ITPR2: variants seen among roughly 807,000 people sequenced by gnomAD.
ITPR2 encodes inositol 1,4,5-trisphosphate receptor type 2.
A neutral mutation model predicts 317.1 loss-of-function variants in ITPR2; 207 were observed. The ratio of observed to expected loss-of-function variants is 0.65; its 90% confidence interval spans 0.58 to 0.73. ITPR2 has a LOEUF of 0.73. ITPR2 is among the 30% of genes least tolerant of loss of function. ITPR2 has a pLI of 0.00. For missense variants in ITPR2, 2,613 were observed against 3,284.0 expected, an observed-to-expected ratio of 0.80 and a Z score of 4.99; for synonymous variants, 1,156 against 1,149.1, an observed-to-expected ratio of 1.01 and a Z score of -0.12.
chr12:26,815,673 T>A (rs1482026384), intron 1 of ITPR2, among the ~76,000 whole-genome samples: 1 of 151,820 alleles, frequency 6.6e-6, no homozygotes, highest in Non-Finnish European at 1.5e-5. Context: ...AAGATAAATA[T>A]AACTACCTGC....
chr12:26,579,582 T>C (rs1251093377), intron 33 of ITPR2, among the ~76,000 whole-genome samples: 4 of 152,152 alleles, frequency 2.6e-5, no homozygotes, highest in Non-Finnish European at 5.9e-5. Context: ...ATCCTACAGA[T>C]ATATCATAAT....
Position 26,631,934 on chromosome 12 carries a change from C to T in ITPR2, c.2866G>A (p.Gly956Arg). The change falls in exon 22 of 57, where the codon GGG (glycine) becomes AGG (arginine). Residue 956 changes from glycine (G) to arginine (R), a missense_variant. By Grantham distance (125) the Gly-to-Arg change is moderately radical. Transcript: ENST00000381340. ...VPPSIHPSKQ[G>R]SPTEHEDVTV... ...ACATCCTCGTGCTCGGTGGGGCTCC[C>T]TTGCTTGCTCGGGTGGATGCTGGGT... 1 of 1,613,938 alleles carries T rather than the reference C, an allele frequency of 6.2e-7. No individual in the cohort carries two copies. The highest frequency in any genetic ancestry group is 8.5e-7 in the Non-Finnish European group (1 of 1,179,952).
chr12:26,526,627 T>A (rs1943814555), intron 37 of ITPR2, among the ~76,000 whole-genome samples: 1 of 151,854 alleles, frequency 6.6e-6, no homozygotes, highest in African/African-American at 2.4e-5. Context: ...ACTGTTACTC[T>A]ATGAAAAAAA....
In ITPR2 at chr12:26,339,218, C is replaced by T. The variant is rs139311366; in HGVS notation, c.*179G>A. 6.0e-4 allele frequency: 350 copies of T among 585,632 alleles called. 3 individuals are homozygous for T. Among genetic ancestry groups the T allele is most frequent in the African/African-American group, 6.0e-3 (317 of 53,086 alleles). The allele number at this position is 585,632 out of a possible 1,614,324, so 36.3% of individuals were successfully genotyped here. On this transcript the variant is annotated 3_prime_UTR_variant, in exon 57 of 57. Transcript: ENST00000381340. ...GCAGATGCATTTGAGGTTAGGTCTT[C>T]GCAACCATGAAAACACAGTTATAAA... is the stretch of plus-strand genomic sequence containing the variant.
At chr12:26,440,622 T>G (rs1447131820) in intron 46 of ITPR2, among the ~76,000 whole-genome samples, 1 of 152,120 alleles carries the variant, frequency 6.6e-6, no homozygotes, top group Non-Finnish European at 1.5e-5. Flanking sequence ...GCAAACTACA[T>G]GAAATTTAGT....
At chr12:26,525,911 T>G (rs1040200414) in intron 37 of ITPR2, among the ~76,000 whole-genome samples, 3 of 152,206 alleles carry the variant, frequency 2.0e-5, no homozygotes, top group Non-Finnish European at 4.4e-5. Context: ...AATTCAACCC[T>G]AAGCCCCAAC....
chr12:26,411,609 T>C (rs917796491), intron 51 of ITPR2, among the ~76,000 whole-genome samples, 197 bp from the exon 52 acceptor site: 6 of 152,218 alleles, frequency 3.9e-5, no homozygotes, highest in African/African-American at 1.4e-4. Flanking sequence ...GAGAATAGCT[T>C]CATAGGCCAA....
chr12:26,534,111 G>A (rs577271223), intron 37 of ITPR2, among the ~76,000 whole-genome samples: 35 of 152,312 alleles, frequency 2.3e-4, no homozygotes, highest in African/African-American at 7.7e-4. Flanking sequence ...CAGCCATCAC[G>A]TCAGTGGCCT....
At chr12:26,696,345 T>C (rs1453051860) in intron 9 of ITPR2, among the ~76,000 whole-genome samples, 1 of 152,216 alleles carries the variant, frequency 6.6e-6, no homozygotes. Context: ...AATAGATGTA[T>C]GAGGTGTGTT....
intron 23 of ITPR2, among the ~76,000 whole-genome samples, chr12:26,625,973 T>A (rs1195708985): frequency 6.6e-6 from 1 of 152,216 alleles, no homozygotes; most frequent in Non-Finnish European, 1.5e-5. Context: ...TGTGTTTGTT[T>A]GTTATTGAAA....
At chr12:26,343,404 G>T (rs1379155643) in intron 55 of ITPR2, among the ~76,000 whole-genome samples, 1 of 152,214 alleles carries the variant, frequency 6.6e-6, no homozygotes, top group Non-Finnish European at 1.5e-5. Flanking sequence ...AACTTGGGAA[G>T]TTAGTGTTTA....
At chr12:26,350,736 C>T (rs1023129454) in intron 55 of ITPR2, among the ~76,000 whole-genome samples, 2 of 151,898 alleles carry the variant, frequency 1.3e-5, no homozygotes, top group Admixed American at 1.3e-4. Context: ...CTCCTCCTTC[C>T]TCCTTCCCAA....
chr12:26,720,053 C>A (rs1004626446), intron 5 of ITPR2, among the ~76,000 whole-genome samples: 2 of 152,120 alleles, frequency 1.3e-5, no homozygotes, highest in African/African-American at 4.8e-5. Flanking sequence ...AGTGACTTTG[C>A]AGTTCAACTG....
intron 23 of ITPR2, among the ~76,000 whole-genome samples, chr12:26,625,808 G>A (rs957166626): frequency 3.3e-5 from 5 of 152,032 alleles, no homozygotes; most frequent in African/African-American, 7.3e-5. Flanking sequence ...AAACACCATG[G>A]TCTTTTTACC....
At chr12:26,692,556 A>G (rs1227608566) in intron 10 of ITPR2, among the ~76,000 whole-genome samples, 2 of 152,220 alleles carry the variant, frequency 1.3e-5, no homozygotes, top group Non-Finnish European at 2.9e-5. Flanking sequence ...AGGAGAAGAA[A>G]CTAATGACTG....
At chr12:26,450,850 G>A (rs1941722092) in intron 45 of ITPR2, among the ~76,000 whole-genome samples, 1 of 152,050 alleles carries the variant, frequency 6.6e-6, no homozygotes, top group Non-Finnish European at 1.5e-5. Context: ...GAGGGGGAGG[G>A]GAAAGTCAGG....
intron 5 of ITPR2, among the ~76,000 whole-genome samples, chr12:26,717,345 T>C (rs1277301062): frequency 2.0e-5 from 3 of 152,222 alleles, no homozygotes; most frequent in African/African-American, 4.8e-5. Context: ...TATCCTCATA[T>C]GGATGATACG....
chr12:26,789,092 T>C (rs914917947), intron 2 of ITPR2, among the ~76,000 whole-genome samples: 1 of 152,208 alleles, frequency 6.6e-6, no homozygotes, highest in African/African-American at 2.4e-5. Context: ...CTGAGTGATT[T>C]TGCATGTGTT....
chr12:26,487,335 A>G, intron 39 of ITPR2, 84 bp from the exon 40 acceptor site: 1 of 958,206 alleles, frequency 1.0e-6, no homozygotes, highest in Non-Finnish European at 1.5e-6. Flanking sequence ...TAAGCATTAT[A>G]GGCAAAAGCA....
Sources: allele counts gnomAD v4.1 joint callset (sites outside exome capture counted in the v4.1 genomes callset), GRCh38; gene constraint gnomAD v4.1.1; transcripts MANE v1.5; gene names NCBI Gene and HGNC (gene_info 2026-07-23, HGNC 2026-07-21).